Variants in SSR2 observed in about 807,000 individuals in gnomAD.
The protein encoded by SSR2 is signal sequence receptor subunit 2.
SSR2 carries 16 observed loss-of-function variants against 22.6 expected under a neutral mutation model. The observed-to-expected ratio is 0.71, with a 90% CI of 0.48 to 1.08. The LOEUF is 1.08. Among genes scored for constraint, SSR2 ranks in the 50% least tolerant of loss-of-function variants. The pLI is 0.00. For missense variants in SSR2, 171 were observed against 221.6 expected (o/e 0.77, Z 1.45); for synonymous variants, 83 against 91.2 (o/e 0.91, Z 0.51).
intron 4 of SSR2, chr1:156,012,487 A>C (rs1250888725): frequency 2.2e-6 from 1 of 455,028 alleles, no homozygotes; most frequent in Non-Finnish European, 4.4e-6. Context: ...CTTTATTCCA[A>C]AGTGGCAGCA....
At chr1:156,013,267 A>G (rs1467521182) in intron 4 of SSR2, 1 of 151,962 alleles carries the variant, frequency 6.6e-6, no homozygotes, top group African/African-American at 2.4e-5. Context: ...TTCTACTAAA[A>G]ATATAAAAAA....
In SSR2 at chr1:156,011,738, C is replaced by T. The variant is rs925000910; in HGVS notation, c.441+72G>A. On this transcript the variant is annotated intron_variant, in intron 5 of 5. Coordinates refer to ENST00000295702, the MANE Select transcript of SSR2 (RefSeq NM_003145.4). ...AACCAACAAAACAAATCTGTGGAAG[C>T]CAAGAGGGTCCAGAACCAAAAGGGC... The T allele has an allele frequency of 1.2e-5, 16 of 1,299,988 alleles. No individual in the cohort carries two copies. In the Admixed American group the frequency reaches 1.8e-4, roughly 14 times the overall value. The allele number at this position is 1,299,988 out of a possible 1,614,324, so 80.5% of individuals were successfully genotyped here.
intron 3 of SSR2, among the ~76,000 whole-genome samples, chr1:156,015,276 CG>C (rs1336024185): frequency 1.3e-5 from 2 of 151,220 alleles, no homozygotes; most frequent in Non-Finnish European, 2.9e-5. Context: ...GAGGCCGAGG[CG>C]GGTGGATTGG....
chr1:156,018,675 C>T (rs1405408300), intron 2 of SSR2, among the ~76,000 whole-genome samples: 2 of 151,034 alleles, frequency 1.3e-5, no homozygotes, highest in Non-Finnish European at 2.9e-5. Context: ...CACCACTATA[C>T]TCCAGCCTGG....
chr1:156,009,419 TG>T lies in SSR2; in HGVS notation c.*120del. 1 of 783,484 alleles carries T rather than the reference TG, an allele frequency of 1.3e-6. No homozygotes were observed. Among genetic ancestry groups the T allele is most frequent in the Non-Finnish European group, 2.2e-6 (1 of 461,864 alleles). The allele number at this position is 783,484 out of a possible 1,614,324, so 48.5% of individuals were successfully genotyped here. A position where few individuals can be genotyped will look rare whatever the true frequency, so the allele number is the denominator to read the frequency against. ...GAGCAGGGCAGGATCCAGGAGAAAG[TG>T]GCCAAGGGCTAAGAGAGAAGAGATT... On this transcript the variant is annotated 3_prime_UTR_variant, in exon 6 of 6. Coordinates refer to ENST00000295702, the MANE Select transcript of SSR2 (RefSeq NM_003145.4).
At chr1:156,014,732 G>A (rs1040887796) in intron 4 of SSR2, 13 of 371,254 alleles carry the variant, frequency 3.5e-5, no homozygotes, top group African/African-American at 2.5e-4. Context: ...AGTAGAGATG[G>A]GGCTTCTGCA....
intron 3 of SSR2, 45 bp from the exon 4 acceptor site, chr1:156,015,114 T>C (rs1277518932): frequency 2.7e-6 from 4 of 1,487,220 alleles, no homozygotes; most frequent in Non-Finnish European, 2.8e-6. Context: ...GCTAAAGTTG[T>C]AGCAGCCTTT....
chr1:156,020,784 T>C, intron 1 of SSR2, 104 bp downstream of exon 1: 2 of 435,968 alleles, frequency 4.6e-6, no homozygotes, highest in South Asian at 1.6e-5. Context: ...CACCGCGTCC[T>C]CTGCCCTTCC....
In SSR2 at chr1:156,009,500, G is replaced by T; in HGVS notation, c.*40C>A. ...AGCACCTGGATTTCTTGGGAGAGGAGCCTGGATTTCTTGGGAGAGGAGGGC... is the reference window on the plus strand; with the variant it reads ...AGCACCTGGATTTCTTGGGAGAGGATCCTGGATTTCTTGGGAGAGGAGGGC... On this transcript the variant is annotated 3_prime_UTR_variant, in exon 6 of 6. Transcript: ENST00000295702. 6.8e-7 allele frequency: 1 copy of T among 1,475,844 alleles called. No individual in the cohort carries two copies. The highest frequency in any genetic ancestry group is 9.5e-7 in the Non-Finnish European group (1 of 1,055,758). 91.4% of individuals were successfully genotyped at this position (1,475,844 alleles called of 1,614,324 possible). A position where few individuals can be genotyped will look rare whatever the true frequency, so the allele number is the denominator to read the frequency against.
In SSR2 at chr1:156,014,991, A is replaced by C. The variant is rs952247947; in HGVS notation, c.333T>G (p.Thr111=). The C allele has an allele frequency of 6.2e-7, 1 of 1,613,882 alleles. No homozygotes were observed. The highest frequency in any genetic ancestry group is 8.5e-7 in the Non-Finnish European group (1 of 1,179,938). Residue 111 remains threonine, a synonymous_variant, in exon 4 of 6, where the codon ACT becomes ACG. Coordinates refer to ENST00000295702, the MANE Select transcript of SSR2 (RefSeq NM_003145.4). ...CGGGCCCATCCTCCTGGGCCAGGTAAGTAATTGTTGCCGAGGTGAAGTTGA... is the reference window on the plus strand; with the variant it reads ...CGGGCCCATCCTCCTGGGCCAGGTACGTAATTGTTGCCGAGGTGAAGTTGA... ...GYFNFTSATI[T]YLAQEDGPVV... is the part of the protein sequence containing the mutation.
At chr1:156,020,390 G>A (rs1683130207) in intron 1 of SSR2, 2 of 485,906 alleles carry the variant, frequency 4.1e-6, no homozygotes, top group Non-Finnish European at 7.5e-6. Context: ...TATATCTACT[G>A]CCCTCTTCCT....
intron 3 of SSR2, among the ~76,000 whole-genome samples, chr1:156,015,767 T>A: frequency 6.6e-6 from 1 of 151,442 alleles, no homozygotes; most frequent in Non-Finnish European, 1.5e-5. Flanking sequence ...GGTATTTTTT[T>A]CCAGCTAAAT....
chr1:156,020,836 G>T, intron 1 of SSR2, 52 bp downstream of exon 1: 1 of 462,014 alleles, frequency 2.2e-6, no homozygotes, highest in Non-Finnish European at 4.6e-6. Flanking sequence ...GTGATGCGCG[G>T]ACACGAGGCT....
intron 5 of SSR2, chr1:156,010,516 T>C (rs1682964793): frequency 6.6e-6 from 1 of 152,064 alleles, no homozygotes; most frequent in Non-Finnish European, 1.5e-5. Context: ...CAGGCCTAAC[T>C]CAGCACAAAT....
chr1:156,016,945 T>C (rs543433097), intron 3 of SSR2, among the ~76,000 whole-genome samples: 28 of 152,366 alleles, frequency 1.8e-4, no homozygotes, highest in African/African-American at 6.3e-4. Context: ...CCATGCTTGC[T>C]GTACAGCCTG....
intron 3 of SSR2, among the ~76,000 whole-genome samples, chr1:156,016,743 C>A (rs972590151): frequency 2.6e-5 from 4 of 152,118 alleles, no homozygotes; most frequent in Non-Finnish European, 2.9e-5. Context: ...GGAGGAGGGG[C>A]CTGGTGGGAG....
intron 5 of SSR2, 27 bp from the exon 6 acceptor site, chr1:156,009,677 T>C (rs1390901483): frequency 6.5e-7 from 1 of 1,549,410 alleles, no homozygotes; most frequent in Non-Finnish European, 8.8e-7. Flanking sequence ...AGACCTTGCT[T>C]AGAAGTCTGG....
intron 4 of SSR2, 79 bp from the exon 5 acceptor site, chr1:156,011,966 C>A: frequency 1.0e-6 from 1 of 992,876 alleles, no homozygotes; most frequent in South Asian, 1.3e-5. Context: ...AAAGGGCAGT[C>A]CCAACCAACC....
rs535634782 is a variant in SSR2, at chr1:156,015,311, G to A, written c.255-242C>T. ...GGCTGAGTTCAGGAGTTCGAGAACA[G>A]CCTGGGCAACACGGTGAAACCCCGT... On this transcript the variant is annotated intron_variant, in intron 3 of 5. Coordinates refer to ENST00000295702, the MANE Select transcript of SSR2 (RefSeq NM_003145.4). Among the ~76,000 whole-genome samples the A allele has an allele frequency of 4.9e-4, 75 of 151,688 alleles. No individual in the cohort carries two copies. In the South Asian group the frequency reaches 0.013, roughly 26 times the overall value.
Sources: gnomAD v4.1 joint callset for allele counts (sites outside exome capture counted in the v4.1 genomes callset) on GRCh38, gnomAD v4.1.1 for gene constraint, MANE v1.5 for transcripts, NCBI Gene and HGNC (gene_info 2026-07-23, HGNC 2026-07-21) for gene names.